Variants in CTNNA3 observed in about 807,000 individuals in gnomAD.
The protein encoded by CTNNA3 is catenin alpha 3, also known as catenin alpha-3.
A neutral mutation model predicts 95.7 loss-of-function variants in CTNNA3; 76 were observed. The observed-to-expected ratio is 0.79, with a 90% CI of 0.66 to 0.96. The LOEUF is 0.96. Ranked by LOEUF, CTNNA3 falls within the 40% of genes least tolerant of loss-of-function variation. The pLI is 0.00. For missense variants in CTNNA3, 1,191 were observed against 1,089.8 expected (o/e 1.09, Z -1.31); for synonymous variants, 431 against 374.4 (o/e 1.15, Z -1.74).
rs140953822 is a variant in CTNNA3 at position 67,637,307 on chromosome 10, T to A, written c.99+10108A>T. Among the ~76,000 whole-genome samples, 946 of 152,004 alleles carry A rather than the reference T, an allele frequency of 6.2e-3. 13 individuals are homozygous for A. The highest frequency in any genetic ancestry group is 0.022 in the African/African-American group (916 of 41,440). ...AATGAAATGAAGCAAGAAGAGAAGTTTAGAGAAAAAAGAATAAAAAGAAAT... is the reference window on the plus strand; with the variant it reads ...AATGAAATGAAGCAAGAAGAGAAGTATAGAGAAAAAAGAATAAAAAGAAAT... On this transcript the variant is annotated intron_variant, in intron 2 of 17. Transcript: ENST00000433211.
intron 3 of CTNNA3, among the ~76,000 whole-genome samples, chr10:67,569,992 T>C (rs1448788703): frequency 1.3e-5 from 2 of 152,110 alleles, no homozygotes; most frequent in African/African-American, 2.4e-5. Context: ...AGCTTGCCCC[T>C]GCTTTACAAC....
intron 13 of CTNNA3, among the ~76,000 whole-genome samples, chr10:66,261,088 T>C (rs891299853): frequency 1.3e-5 from 2 of 152,100 alleles, no homozygotes; most frequent in Non-Finnish European, 2.9e-5. Flanking sequence ...TGAGAGAATG[T>C]ATGTGAAGTT....
rs978410710 is a variant in CTNNA3, at chr10:67,552,678, C to T, written c.293-13009G>A. On this transcript the variant is annotated intron_variant, in intron 3 of 17. Transcript: ENST00000433211. ...TGATGCTCTCCCTCCCCAACCCAAC[C>T]CCTGACAGGACCCAGTGTGTGTTGT... Among the ~76,000 whole-genome samples, 4 of 152,050 alleles carry T rather than the reference C, an allele frequency of 2.6e-5. No individual in the cohort carries two copies. In the East Asian group the frequency reaches 5.8e-4, roughly 22 times the overall value.
intron 5 of CTNNA3, among the ~76,000 whole-genome samples, chr10:67,245,610 A>G (rs1456993907): frequency 1.3e-5 from 2 of 152,194 alleles, no homozygotes; most frequent in Non-Finnish European, 2.9e-5. Context: ...CTGTAATCCC[A>G]GTGCTTTGGG....
chr10:66,227,983 T>C (rs1193377406), intron 13 of CTNNA3, among the ~76,000 whole-genome samples: 2 of 152,148 alleles, frequency 1.3e-5, no homozygotes, highest in Non-Finnish European at 2.9e-5. Context: ...TATTCTCTTG[T>C]GATCCTTTAT....
chr10:65,921,331 A>G (rs139319263), intron 17 of CTNNA3, among the ~76,000 whole-genome samples: 1 of 152,240 alleles, frequency 6.6e-6, no homozygotes, highest in African/African-American at 2.4e-5. Context: ...CTAAATACCT[A>G]TAAATCCTTG....
At chr10:67,725,173 A>G (rs1479345788) in intron 1 of CTNNA3, among the ~76,000 whole-genome samples, 1 of 149,240 alleles carries the variant, frequency 6.7e-6, no homozygotes, top group East Asian at 1.9e-4. Flanking sequence ...TAATTTATTA[A>G]TTTACCTTTT....
intron 7 of CTNNA3, among the ~76,000 whole-genome samples, chr10:66,936,061 C>T (rs1847677876): frequency 6.6e-6 from 1 of 152,110 alleles, no homozygotes; most frequent in African/African-American, 2.4e-5. Flanking sequence ...CAGCCTATCT[C>T]ATGTCATTCA....
chr10:66,909,025 G>A (rs1162821175), intron 7 of CTNNA3, among the ~76,000 whole-genome samples: 1 of 152,118 alleles, frequency 6.6e-6, no homozygotes, highest in Non-Finnish European at 1.5e-5. Context: ...ACACGGTATT[G>A]TTGGCAAGTT....
At chr10:66,178,401 A>ATGTG (rs1175814973) in intron 13 of CTNNA3, among the ~76,000 whole-genome samples, 3 of 11,758 alleles carry the variant, frequency 2.6e-4, no homozygotes, top group African/African-American at 1.5e-3. Context: ...TTGAAAGTGT[A>ATGTG]TATATATATA....
chr10:66,302,793 C>A (rs1004845063), intron 12 of CTNNA3, among the ~76,000 whole-genome samples: 1 of 152,076 alleles, frequency 6.6e-6, no homozygotes, highest in Non-Finnish European at 1.5e-5. Flanking sequence ...AAATATCTCT[C>A]ATGTAAAAAC....
chr10:66,987,133 G>A (rs1254123926), intron 7 of CTNNA3, among the ~76,000 whole-genome samples: 1 of 152,176 alleles, frequency 6.6e-6, no homozygotes, highest in East Asian at 1.9e-4. Context: ...AAGTTGTCTA[G>A]AGCCACGTGC....
intron 7 of CTNNA3, among the ~76,000 whole-genome samples, chr10:67,159,110 C>G (rs1022635925): frequency 1.3e-5 from 2 of 152,202 alleles, no homozygotes; most frequent in African/African-American, 4.8e-5. Context: ...TTCACAGATT[C>G]CAGACATTGT....
At chr10:66,717,096 C>G (rs920663814) in intron 9 of CTNNA3, among the ~76,000 whole-genome samples, 1 of 151,546 alleles carries the variant, frequency 6.6e-6, no homozygotes, top group African/African-American at 2.4e-5. Flanking sequence ...TGCCTTAAGA[C>G]TAACATAGAA....
At chr10:67,433,641 A>T (rs896003607) in intron 5 of CTNNA3, among the ~76,000 whole-genome samples, 1 of 152,076 alleles carries the variant, frequency 6.6e-6, no homozygotes, top group African/African-American at 2.4e-5. Context: ...TAAGAATTCA[A>T]TGTATTGAAT....
chr10:66,855,939 CTTTTA>C (rs1843668260), intron 7 of CTNNA3, among the ~76,000 whole-genome samples: 1 of 151,806 alleles, frequency 6.6e-6, no homozygotes, highest in African/African-American at 2.4e-5. Context: ...ATTTTTTTAA[CTTTTA>C]TTTTGAGTTC....
intron 14 of CTNNA3, among the ~76,000 whole-genome samples, chr10:66,092,216 T>C (rs1391808693): frequency 6.6e-6 from 1 of 151,974 alleles, no homozygotes; most frequent in African/African-American, 2.4e-5. Context: ...TCTAAAATCC[T>C]GGTCTCTGTC....
intron 13 of CTNNA3, among the ~76,000 whole-genome samples, chr10:66,134,820 A>G (rs1310880658): frequency 1.4e-5 from 2 of 141,416 alleles, no homozygotes. Context: ...AAATATAAAA[A>G]TAAGAATTGA....
At chr10:66,957,479 T>C (rs1848885259) in intron 7 of CTNNA3, among the ~76,000 whole-genome samples, 1 of 145,758 alleles carries the variant, frequency 6.9e-6, no homozygotes, top group Non-Finnish European at 1.5e-5. Context: ...TGTTTGATCC[T>C]GAAGGAAGAT....
Sources: gnomAD v4.1 joint callset for allele counts (sites outside exome capture counted in the v4.1 genomes callset) on GRCh38, gnomAD v4.1.1 for gene constraint, MANE v1.5 for transcripts, NCBI Gene and HGNC (gene_info 2026-07-23, HGNC 2026-07-21) for gene names.